The following MBOAT2 variants were observed in gnomAD, a reference collection of about 807,000 sequenced individuals.
MBOAT2 encodes membrane bound glycerophospholipid O-acyltransferase 2.
MBOAT2 carries 28 observed loss-of-function variants against 63.4 expected under a neutral mutation model. The ratio of observed to expected loss-of-function variants is 0.44; its 90% CI spans 0.33 to 0.61. The LOEUF (loss-of-function observed/expected upper bound fraction) is 0.61, where lower values mean the gene tolerates loss of function less well. MBOAT2 is among the 20% of genes least tolerant of loss of function. MBOAT2 has a pLI of 0.03. For missense variants in MBOAT2, 470 were observed against 605.8 expected (o/e 0.78, Z 2.35); for synonymous variants, 211 against 215.6 (o/e 0.98, Z 0.19).
At chr2:8,993,908 A>G (rs1311937816) in intron 1 of MBOAT2, among the ~76,000 whole-genome samples, 3 of 152,212 alleles carry the variant, frequency 2.0e-5, no homozygotes, top group African/African-American at 4.8e-5. Context: ...AAAAGCACTT[A>G]AAGTCAGTAA....
intron 3 of MBOAT2, among the ~76,000 whole-genome samples, chr2:8,909,365 T>C (rs1318508463): frequency 6.6e-6 from 1 of 152,074 alleles, no homozygotes; most frequent in East Asian, 1.9e-4. Flanking sequence ...AATGGATGAG[T>C]TGTCATCTAA....
intron 1 of MBOAT2, among the ~76,000 whole-genome samples, chr2:8,963,083 A>G (rs1426060851): frequency 1.3e-5 from 2 of 152,090 alleles, no homozygotes; most frequent in African/African-American, 4.8e-5. Flanking sequence ...ACAAAAAAAT[A>G]CAAAAATTAG....
intron 1 of MBOAT2, among the ~76,000 whole-genome samples, chr2:8,994,166 G>A (rs138225648): frequency 3.5e-4 from 54 of 152,270 alleles, no homozygotes; most frequent in African/African-American, 1.3e-3. Context: ...CTAGGCAGAC[G>A]GGACACAAAG....
In MBOAT2 at chr2:8,980,356, CA is replaced by C. The variant is rs530127855; in HGVS notation, c.76-21715del. On this transcript the variant is annotated intron_variant, in intron 1 of 12. Transcript: ENST00000305997. ...AACACCACCCAATCAACCCTAAAGA[CA>C]AATCCCTGTTCTAGCCCTGACCAAG... Among the ~76,000 whole-genome samples, 9 of 152,250 alleles carry C rather than the reference CA, an allele frequency of 5.9e-5. No individual in the cohort carries two copies. In the South Asian group the frequency reaches 1.9e-3, roughly 32 times the overall value.
At chr2:8,912,349 A>AAGAAAGAG (rs1320407353) in intron 3 of MBOAT2, among the ~76,000 whole-genome samples, 2 of 76,442 alleles carry the variant, frequency 2.6e-5, no homozygotes, top group African/African-American at 9.5e-5. Context: ...GAAAGAAAGA[A>AAGAAAGAG]AGAGAAAGAA....
intron 3 of MBOAT2, among the ~76,000 whole-genome samples, chr2:8,922,585 A>G (rs1666654879): frequency 2.0e-5 from 3 of 152,026 alleles, no homozygotes; most frequent in Admixed American, 6.6e-5. Flanking sequence ...TTTTAGCCTC[A>G]CTCCAGAGGT....
chr2:8,919,768 T>G (rs748175650), intron 3 of MBOAT2, among the ~76,000 whole-genome samples: 8 of 152,158 alleles, frequency 5.3e-5, no homozygotes, highest in Non-Finnish European at 1.0e-4. Context: ...TTTTTAATTT[T>G]TTGTTTTGAG....
chr2:8,886,662 T>C (rs1663574595), intron 5 of MBOAT2, among the ~76,000 whole-genome samples: 1 of 152,208 alleles, frequency 6.6e-6, no homozygotes. Context: ...AAAGAGATAA[T>C]TACCATTAAA....
At chr2:8,933,398 G>A (rs1667454636) in intron 3 of MBOAT2, among the ~76,000 whole-genome samples, 1 of 152,176 alleles carries the variant, frequency 6.6e-6, no homozygotes, top group South Asian at 2.1e-4. Context: ...GCCCAGGCTG[G>A]AGTACAGTGG....
chr2:8,913,661 T>TA (rs1194954251), intron 3 of MBOAT2, among the ~76,000 whole-genome samples: 8 of 151,990 alleles, frequency 5.3e-5, no homozygotes, highest in Non-Finnish European at 8.8e-5. Flanking sequence ...TGGTCATAAT[T>TA]AAAAAAACAG....
intron 4 of MBOAT2, among the ~76,000 whole-genome samples, chr2:8,901,457 T>TA (rs780487686): frequency 2.6e-5 from 4 of 152,158 alleles, no homozygotes; most frequent in Non-Finnish European, 4.4e-5. Flanking sequence ...AAAAACCTGT[T>TA]AGAGTCCTAA....
intron 3 of MBOAT2, among the ~76,000 whole-genome samples, chr2:8,920,726 G>A (rs1666508605): frequency 1.3e-5 from 2 of 152,136 alleles, no homozygotes; most frequent in South Asian, 2.1e-4. Flanking sequence ...AAGTGCAACT[G>A]CAATTCTTTT....
intron 3 of MBOAT2, among the ~76,000 whole-genome samples, chr2:8,914,298 A>C (rs1351721563): frequency 6.6e-6 from 1 of 152,168 alleles, no homozygotes; most frequent in Admixed American, 6.5e-5. Flanking sequence ...AAAACGAACA[A>C]ACAAAAAAAC....
chr2:8,898,223 G>A (rs1664633884), intron 4 of MBOAT2, among the ~76,000 whole-genome samples: 1 of 152,168 alleles, frequency 6.6e-6, no homozygotes, highest in African/African-American at 2.4e-5. Context: ...CTGCTTTAAG[G>A]TTTTTGAAGG....
chr2:8,899,121 G>A (rs1047945427), intron 4 of MBOAT2, among the ~76,000 whole-genome samples: 23 of 152,168 alleles, frequency 1.5e-4, no homozygotes, highest in African/African-American at 5.6e-4. Context: ...GGAATGGGCG[G>A]GCATTTTTTG....
chr2:8,894,137 T>TCCC (rs557092804), intron 4 of MBOAT2, among the ~76,000 whole-genome samples: 107 of 152,010 alleles, frequency 7.0e-4, no homozygotes, highest in Non-Finnish European at 1.4e-3. Context: ...TACGTGATAT[T>TCCC]CCCCTCCCTG....
chr2:8,896,560 A>C (rs1664493219), intron 4 of MBOAT2, among the ~76,000 whole-genome samples: 1 of 152,220 alleles, frequency 6.6e-6, no homozygotes, highest in Admixed American at 6.5e-5. Context: ...AACTTTTAGC[A>C]AAATTTACTT....
intron 3 of MBOAT2, among the ~76,000 whole-genome samples, chr2:8,919,622 C>T (rs1256741524): frequency 6.6e-6 from 1 of 152,064 alleles, no homozygotes; most frequent in Non-Finnish European, 1.5e-5. Flanking sequence ...GATCCAAGTC[C>T]TGTATCAGAC....
intron 7 of MBOAT2, among the ~76,000 whole-genome samples, chr2:8,874,657 C>T (rs1289350508): frequency 1.3e-5 from 2 of 152,162 alleles, no homozygotes; most frequent in Non-Finnish European, 2.9e-5. Context: ...TCCCAGCAGT[C>T]AAGTTTGTAT....
Sources: allele counts gnomAD v4.1 joint callset (sites outside exome capture counted in the v4.1 genomes callset), GRCh38; gene constraint gnomAD v4.1.1; transcripts MANE v1.5; gene names NCBI Gene and HGNC (gene_info 2026-07-23, HGNC 2026-07-21).